Variants in SHANK1 observed in about 807,000 individuals in gnomAD.
The protein encoded by SHANK1 is SH3 and multiple ankyrin repeat domains 1, also known as SH3 and multiple ankyrin repeat domains protein 1.
Under a neutral mutation model 165.6 loss-of-function variants are expected in SHANK1, and 35 were observed. The observed-to-expected ratio is 0.21, with a 90% CI of 0.16 to 0.28. The LOEUF (loss-of-function observed/expected upper bound fraction) is 0.28, where lower values mean the gene tolerates loss of function less well. Among genes scored for constraint, SHANK1 ranks in the 10% least tolerant of loss-of-function variants. The pLI, the probability that SHANK1 is intolerant of heterozygous loss-of-function variation, is 1.00. For synonymous variants in SHANK1, 1,428 were observed against 1,384.8 expected (o/e 1.03, Z -0.69); for missense variants, 2,681 against 3,036.4 (o/e 0.88, Z 2.75).
chr19:50,683,387 A>G (rs1986235388), intron 21 of SHANK1, among the ~76,000 whole-genome samples: 1 of 152,174 alleles, frequency 6.6e-6, no homozygotes, highest in South Asian at 2.1e-4. Flanking sequence ...ACCAATCAAT[A>G]CATAACCTTG....
rs1368489464 is a variant in SHANK1, at chr19:50,661,947, G to A, written c.*18C>T. Reference sequence around the variant, plus strand: ...CTCAAGAGTTCTGTGGACGGGGCTGGTCCGTCCAGGCCAGCCATCACCTCT... The same window carrying A: ...CTCAAGAGTTCTGTGGACGGGGCTGATCCGTCCAGGCCAGCCATCACCTCT... On this transcript the variant is annotated 3_prime_UTR_variant, in exon 24 of 24. Coordinates refer to ENST00000293441, the MANE Select transcript of SHANK1 (RefSeq NM_016148.5). 8 of 1,612,960 alleles carry A rather than the reference G, an allele frequency of 5.0e-6. No homozygotes were observed. Among genetic ancestry groups the A allele is most frequent in the Non-Finnish European group, 6.8e-6 (8 of 1,179,744 alleles).
intron 8 of SHANK1, among the ~76,000 whole-genome samples, chr19:50,707,881 CTTTTCTTTTCTTTTCTTTTCTTTTCTTT>C (rs1568443569): frequency 0.02 from 51 of 2,610 alleles, 1 homozygote; most frequent in African/African-American, 0.13. Flanking sequence ...GCGTGTTTTT[CTTTTCTTTTCTTTTCTTTTCTTTTCTTT>C]TCTTTTCTTT....
Position 50,667,773 on chromosome 19 carries a change from G to A in SHANK1, c.4187C>T (p.Ser1396Leu). 1 of 1,293,722 alleles carries A rather than the reference G, an allele frequency of 7.7e-7. No individual in the cohort carries two copies. The highest frequency in any genetic ancestry group is 9.8e-7 in the Non-Finnish European group (1 of 1,025,114). 80.1% of individuals were successfully genotyped at this position (1,293,722 alleles called of 1,614,324 possible). A position where few individuals can be genotyped will look rare whatever the true frequency, so the allele number is the denominator to read the frequency against. ...CACTGGCTCGTGGTGGGCGTGGGGCGAGTGGTGGTGCGGGGTGGGCGGCGG... is the reference window on the plus strand; with the variant it reads ...CACTGGCTCGTGGTGGGCGTGGGGCAAGTGGTGGTGCGGGGTGGGCGGCGG... ...EAPPPTPHHH[S>L]PHAHHEPVLR... Residue 1396 changes from serine (S) to leucine (L), a missense_variant, in exon 23 of 24, where the codon TCG becomes TTG. Around this residue, in one of 10 missense-constraint regions of SHANK1, gnomAD observed 1,713 missense variants for 1,630.2 expected, o/e 1.05. Coordinates refer to ENST00000293441, the MANE Select transcript of SHANK1 (RefSeq NM_016148.5). This position sits in a 1 kb window ranked among gnomAD's most constrained non-coding sequence, Gnocchi z 5.7.
At position 50,719,716 on chromosome 19, in the gene SHANK1, C is replaced by T. The variant is rs1367438833; in HGVS notation, c.-354G>A. ...GGCGCCGCGTCTCCGCCTGCTCTTC[C>T]TCCTCCTCTTCCTCGGGCCGCCGCC... On this transcript the variant is annotated 5_prime_UTR_variant, in exon 1 of 24. Coordinates refer to ENST00000293441, the MANE Select transcript of SHANK1 (RefSeq NM_016148.5). Among the ~76,000 whole-genome samples, 2 of 150,608 alleles carry T rather than the reference C, an allele frequency of 1.3e-5. No individual in the cohort carries two copies. Among genetic ancestry groups the T allele is most frequent in the Admixed American group, 6.6e-5 (1 of 15,162 alleles).
Position 50,695,179 on chromosome 19 carries a change from G to A in SHANK1, c.1964+1917C>T, listed in dbSNP as rs1475454304. Among the ~76,000 whole-genome samples, 9 of 146,066 alleles carry A rather than the reference G, an allele frequency of 6.2e-5. No homozygotes were observed. In the East Asian group the frequency reaches 1.8e-3, roughly 30 times the overall value. On this transcript the variant is annotated intron_variant, in intron 15 of 23. Transcript: ENST00000293441. ...CCCCGCCTCATGCTGACCCGCGCCG[G>A]GAGGGGGGAGGGGGAGGGGGCGCGC...
Position 50,668,284 on chromosome 19 carries a change from G to A in SHANK1, c.3676C>T (p.Leu1226=). Residue 1226 remains leucine (L), a synonymous_variant, in exon 23 of 24, where the codon CTG becomes TTG. Transcript: ENST00000293441. The stretch of plus-strand genomic sequence containing the variant: ...GCCCCGAACTGGCTCGTGAAGTCCA[G>A]CGTGGCCGGGCCGCTGGGCGAGGCG... ...TPASPSGPAT[L]DFTSQFGAAL... The A allele has an allele frequency of 7.5e-7, 1 of 1,327,028 alleles. No homozygotes were observed. The highest frequency in any genetic ancestry group is 9.6e-7 in the Non-Finnish European group (1 of 1,046,466). 82.2% of individuals were successfully genotyped at this position (1,327,028 alleles called of 1,614,324 possible).
At chr19:50,679,485 G>C (rs1292938484) in intron 21 of SHANK1, among the ~76,000 whole-genome samples, 1 of 152,148 alleles carries the variant, frequency 6.6e-6, no homozygotes, top group Admixed American at 6.5e-5. Context: ...TCCCCAGGGA[G>C]CACCTGAACT....
In SHANK1 at chr19:50,686,907, T is replaced by C; in HGVS notation, c.2390-95A>G. The C allele has an allele frequency of 7.2e-7, 1 of 1,392,300 alleles. No homozygotes were observed. The highest frequency in any genetic ancestry group is 9.6e-7 in the Non-Finnish European group (1 of 1,041,418). The allele number at this position is 1,392,300 out of a possible 1,614,324, so 86.2% of individuals were successfully genotyped here. ...GGCGTGGCCAGCAGGTGCGGGCCAG[T>C]GGGCGTGGCGGGCGCGAGAGGGGCA... On this transcript the variant is annotated intron_variant, in intron 19 of 23. Coordinates refer to ENST00000293441, the MANE Select transcript of SHANK1 (RefSeq NM_016148.5). The surrounding 1 kb of genome is among the most constrained non-coding windows in gnomAD (Gnocchi z 5.7).
At chr19:50,665,069 T>G (rs114096891) in intron 23 of SHANK1, among the ~76,000 whole-genome samples, 9,845 of 152,234 alleles carry the variant, frequency 0.065, 352 homozygotes, top group Middle Eastern at 0.11. Flanking sequence ...TTAATAACTT[T>G]TTGTTCATCA....
intron 8 of SHANK1, among the ~76,000 whole-genome samples, chr19:50,708,904 C>T (rs943671439): frequency 3.9e-5 from 6 of 152,160 alleles, no homozygotes; most frequent in East Asian, 1.9e-4. Context: ...AGCCTAGACA[C>T]GGATCTGACA....
intron 8 of SHANK1, among the ~76,000 whole-genome samples, chr19:50,707,931 CTTTTCTTT>C: frequency 1.2e-5 from 1 of 81,062 alleles, no homozygotes; most frequent in Non-Finnish European, 2.4e-5. Flanking sequence ...CTTTTCTTTT[CTTTTCTTT>C]TCTTTTCTTT....
At chr19:50,714,497 G>C (rs1163304264) in intron 4 of SHANK1, among the ~76,000 whole-genome samples, 1 of 152,054 alleles carries the variant, frequency 6.6e-6, no homozygotes, top group Non-Finnish European at 1.5e-5. Flanking sequence ...TTCGAGACCA[G>C]CCTGAGCAAC....
At position 50,670,803 on chromosome 19, in the gene SHANK1, T is replaced by G. The variant is rs980253139; in HGVS notation, c.2674+1215A>C. Among the ~76,000 whole-genome samples the G allele has an allele frequency of 5.9e-5, 9 of 151,372 alleles. No individual in the cohort carries two copies. Among genetic ancestry groups the G allele is most frequent in the Non-Finnish European group, 1.3e-4 (9 of 67,788 alleles). ...TCTCTAGGTGTTTTTTTTTCTTTTC[T>G]TTTTTTTTGAGACAGAGTCTCGCTC... On this transcript the variant is annotated intron_variant, in intron 22 of 23. Transcript: ENST00000293441. The surrounding 1 kb of genome is among the most constrained non-coding windows in gnomAD (Gnocchi z 4.1).
At chr19:50,692,247 C>G (rs534311232) in intron 15 of SHANK1, among the ~76,000 whole-genome samples, 2 of 151,920 alleles carry the variant, frequency 1.3e-5, no homozygotes, top group Non-Finnish European at 2.9e-5. Context: ...GAACACTTAT[C>G]GAATTATTAC....
intron 21 of SHANK1, among the ~76,000 whole-genome samples, chr19:50,677,255 G>A (rs1488624161): frequency 2.0e-5 from 3 of 151,722 alleles, no homozygotes; most frequent in Non-Finnish European, 4.4e-5. Flanking sequence ...AGCCTCCTGA[G>A]TAGCTGAGAC....
At chr19:50,703,048 C>T (rs564261128) in intron 11 of SHANK1, among the ~76,000 whole-genome samples, 12 of 152,162 alleles carry the variant, frequency 7.9e-5, no homozygotes, top group Middle Eastern at 3.2e-3. Flanking sequence ...CCTCGGGACA[C>T]GCCTGGCTGG....
In SHANK1 at chr19:50,710,556, A is replaced by G. The variant is rs144398184; in HGVS notation, c.1077+815T>C. ...TGGCTAAAGTACCAGAGGTCATGAC[A>G]TTGAAAGACCCGGCTCTTGCCAACC... On this transcript the variant is annotated intron_variant, in intron 8 of 23. Transcript: ENST00000293441. Among the ~76,000 whole-genome samples, 546 of 152,296 alleles carry G rather than the reference A, an allele frequency of 3.6e-3. 4 individuals carry two copies. The highest frequency in any genetic ancestry group is 0.013 in the African/African-American group (528 of 41,570).
At chr19:50,707,215 C>A (rs1167723859) in intron 8 of SHANK1, among the ~76,000 whole-genome samples, 1 of 152,220 alleles carries the variant, frequency 6.6e-6, no homozygotes, top group Non-Finnish European at 1.5e-5. Context: ...TTCTCCTCTA[C>A]ACCATAAGTT....
chr19:50,682,192 A>C lies in SHANK1; in HGVS notation c.2577+4045T>G, dbSNP rs538311219. On this transcript the variant is annotated intron_variant, in intron 21 of 23. Transcript: ENST00000293441. ...TGCCTCAGCCTCCCAAGTAGCTGGG[A>C]CCACAGGTGCACACCACCACGCCCA... 2.8e-4 allele frequency among the ~76,000 whole-genome samples: 43 copies of C among 152,084 alleles called. 1 individual carries two copies. In the Middle Eastern group the frequency reaches 0.014, roughly 48 times the overall value.
Sources: allele counts gnomAD v4.1 joint callset (sites outside exome capture counted in the v4.1 genomes callset), GRCh38; gene constraint gnomAD v4.1.1; regional missense constraint gnomAD v4.1.1; non-coding constraint Gnocchi (gnomAD v3.1); transcripts MANE v1.5; gene names NCBI Gene and HGNC (gene_info 2026-07-23, HGNC 2026-07-21).